The following MTFR1 variants were observed in gnomAD, a reference collection of about 807,000 sequenced individuals.
MTFR1 encodes chondrocyte protein with a poly-proline region.
Under a neutral mutation model 38.8 loss-of-function variants are expected in MTFR1, and 28 were observed. The ratio of observed to expected loss-of-function variants is 0.72; its 90% CI spans 0.53 to 0.99. The LOEUF (loss-of-function observed/expected upper bound fraction) is 0.99, where lower values mean the gene tolerates loss of function less well. Ranked by LOEUF, MTFR1 falls within the 50% of genes least tolerant of loss-of-function variation. MTFR1 has a pLI of 0.00. For missense variants in MTFR1, 358 were observed against 395.5 expected, an observed-to-expected ratio of 0.91 and a Z score of 0.81; for synonymous variants, 145 against 137.0, an observed-to-expected ratio of 1.06 and a Z score of -0.41.
chr8:65,669,002 G>A (rs189345040), intron 1 of MTFR1, among the ~76,000 whole-genome samples: 4 of 152,308 alleles, frequency 2.6e-5, no homozygotes, highest in African/African-American at 7.2e-5. Context: ...GGGTTATGGT[G>A]CTAGTGAATA....
At chr8:65,687,785 A>G (rs796428709) in intron 3 of MTFR1, among the ~76,000 whole-genome samples, 3 of 152,156 alleles carry the variant, frequency 2.0e-5, no homozygotes, top group African/African-American at 7.2e-5. Flanking sequence ...GTGTCACTGT[A>G]TGTCACTATA....
intron 3 of MTFR1, among the ~76,000 whole-genome samples, chr8:65,687,260 T>A (rs1487530689): frequency 6.6e-6 from 1 of 152,066 alleles, no homozygotes; most frequent in Non-Finnish European, 1.5e-5. Flanking sequence ...CCAGAAAAAA[T>A]TGAATTGGAG....
In MTFR1 at chr8:65,665,452, A is replaced by G. The variant is rs570685426; in HGVS notation, c.-80-4421A>G. 2.0e-5 allele frequency among the ~76,000 whole-genome samples: 3 copies of G among 152,202 alleles called. 1 individual carries two copies. Among genetic ancestry groups the G allele is most frequent in the South Asian group, 4.1e-4 (2 of 4,820 alleles). The stretch of plus-strand genomic sequence containing the variant: ...AGTCACAGACCTTTTTTAGTAATCA[A>G]TAAATATATATTCCTGCCAGTGCTT... On this transcript the variant is annotated intron_variant, in intron 1 of 7. Transcript: ENST00000262146.
chr8:65,647,228 T>G (rs1440385854), intron 1 of MTFR1, among the ~76,000 whole-genome samples: 1 of 152,108 alleles, frequency 6.6e-6, no homozygotes, highest in Non-Finnish European at 1.5e-5. Flanking sequence ...ACTGGCAAAT[T>G]TATGGATATG....
At chr8:65,662,042 C>CTCCCT (rs1563435698) in intron 1 of MTFR1, among the ~76,000 whole-genome samples, 7 of 61,218 alleles carry the variant, frequency 1.1e-4, no homozygotes, top group African/African-American at 3.4e-4. Context: ...CCTCTCTCTC[C>CTCCCT]CTCTCTCTCT....
At chr8:65,672,446 T>C (rs936500376) in intron 2 of MTFR1, among the ~76,000 whole-genome samples, 1 of 152,214 alleles carries the variant, frequency 6.6e-6, no homozygotes, top group African/African-American at 2.4e-5. Context: ...TATACAGGCA[T>C]AGCTTGGAGA....
downstream of MTFR1, among the ~76,000 whole-genome samples, chr8:65,711,840 A>ATTCT (rs1218189817): frequency 6.6e-6 from 1 of 152,168 alleles, no homozygotes; most frequent in East Asian, 1.9e-4. Flanking sequence ...TCTCTGATAC[A>ATTCT]TTCTCCAGCC....
rs550966762 is a variant in MTFR1 at position 65,684,876 on chromosome 8, C to T, written c.165+2425C>T. On this transcript the variant is annotated intron_variant, in intron 3 of 7. Coordinates refer to ENST00000262146, the MANE Select transcript of MTFR1 (RefSeq NM_014637.4). ...AAAATTAGCTGGGCATGGTGGCAGG[C>T]GCCTGTAATCCCAGCTACTCAGGAG... 1.1e-3 allele frequency among the ~76,000 whole-genome samples: 166 copies of T among 151,776 alleles called. 3 individuals are homozygous for T. The South Asian group carries it at 0.012, about 11-fold the overall frequency.
At chr8:65,743,998 A>G (rs1032954116) in intron 3 of MTFR1, among the ~76,000 whole-genome samples, 2 of 152,130 alleles carry the variant, frequency 1.3e-5, no homozygotes, top group Non-Finnish European at 2.9e-5. Context: ...ACACCCAGCC[A>G]ATGTTTGTAT....
chr8:65,739,257 A>G (rs1206446677), intron 3 of MTFR1, among the ~76,000 whole-genome samples: 1 of 152,222 alleles, frequency 6.6e-6, no homozygotes, highest in East Asian at 1.9e-4. Context: ...GGTCTCTACA[A>G]AACCAACATG....
intron 3 of MTFR1, among the ~76,000 whole-genome samples, chr8:65,685,507 G>A (rs910326468): frequency 1.3e-5 from 2 of 152,166 alleles, no homozygotes; most frequent in African/African-American, 4.8e-5. Context: ...GTGGTTTTTG[G>A]AATTGGTGGT....
intron 3 of MTFR1, among the ~76,000 whole-genome samples, chr8:65,729,515 G>A (rs1042124835): frequency 2.0e-5 from 3 of 151,932 alleles, no homozygotes; most frequent in Admixed American, 6.6e-5. Flanking sequence ...GACATAAAAT[G>A]TCCTGAATCA....
intron 3 of MTFR1, chr8:65,724,164 G>T (rs1806510104): frequency 1.3e-6 from 1 of 755,968 alleles, no homozygotes; most frequent in Non-Finnish European, 2.3e-6. Flanking sequence ...TCTACTGCTA[G>T]ACCCATATAA....
chr8:65,728,329 A>G (rs1179206423), intron 3 of MTFR1: 1 of 152,232 alleles, frequency 6.6e-6, no homozygotes, highest in Non-Finnish European at 1.5e-5. Flanking sequence ...ATAATTTTAG[A>G]TTCAAATTCT....
chr8:65,645,701 C>T (rs997084387), intron 1 of MTFR1, among the ~76,000 whole-genome samples: 1 of 133,824 alleles, frequency 7.5e-6, no homozygotes, highest in African/African-American at 2.7e-5. Flanking sequence ...TTCCCCCCCC[C>T]CCCCCTTTGT....
Position 65,707,156 on chromosome 8 carries a change from GGA to G in MTFR1, c.665_666del (p.Gly222GlufsTer5). On this transcript the variant is annotated frameshift_variant, in exon 6 of 8. Coordinates refer to ENST00000262146, the MANE Select transcript of MTFR1 (RefSeq NM_014637.4). LOFTEE classifies it high-confidence loss of function. ...ACGAAGAGAGAAAAGAGCCAATGCT[GGA>G]AAGACTTTGGTTAAGAACAATCCAA... ...KERREKRANA[G>X]KTLVKNNPKK... 6.2e-7 allele frequency: 1 copy of G among 1,613,952 alleles called. No homozygotes were observed. Among genetic ancestry groups the G allele is most frequent in the African/African-American group, 1.3e-5 (1 of 75,026 alleles).
At chr8:65,759,070 T>C (rs1354560474) in intron 3 of MTFR1, among the ~76,000 whole-genome samples, 2 of 152,330 alleles carry the variant, frequency 1.3e-5, no homozygotes, top group Non-Finnish European at 1.5e-5. Flanking sequence ...GATCCACTCA[T>C]TCCATGGACC....
chr8:65,698,299 C>T (rs1295669603), intron 4 of MTFR1, among the ~76,000 whole-genome samples: 3 of 151,896 alleles, frequency 2.0e-5, no homozygotes, highest in Non-Finnish European at 4.4e-5. Context: ...CAGGTGTATG[C>T]CACCATGCCT....
intron 3 of MTFR1, among the ~76,000 whole-genome samples, chr8:65,686,579 CAAAAAAAAAAAAA>C (rs757100773): frequency 1.6e-5 from 1 of 62,398 alleles, no homozygotes; most frequent in South Asian, 6.5e-4. Context: ...GACTCCGTCT[CAAAAAAAAAAAAA>C]AAAAAAAAGG....
Sources: gnomAD v4.1 joint callset for allele counts (sites outside exome capture counted in the v4.1 genomes callset) on GRCh38, gnomAD v4.1.1 for gene constraint, MANE v1.5 for transcripts, NCBI Gene and HGNC (gene_info 2026-07-23, HGNC 2026-07-21) for gene names.